EPHA8: variants seen among roughly 807,000 people sequenced by gnomAD.
The protein encoded by EPHA8 is ephrin type-A receptor 8.
Under a neutral mutation model 103.6 loss-of-function variants are expected in EPHA8, and 58 were observed. That is an observed-to-expected ratio of 0.56 (90% CI 0.45 to 0.70). The LOEUF (loss-of-function observed/expected upper bound fraction) is 0.70. Among genes scored for constraint, EPHA8 ranks in the 30% least tolerant of loss-of-function variants. The probability of loss-of-function intolerance (pLI) is 0.00; values close to 1 mark genes in which losing one functional copy is unlikely to be tolerated. For synonymous variants in EPHA8, 559 were observed against 572.5 expected (o/e 0.98, Z 0.34); for missense variants, 1,304 against 1,395.2 (o/e 0.93, Z 1.04).
chr1:22,585,050 T>TGTGTGTGTGTGTGTGTGTGTGTGTGC (rs71020436), intron 3 of EPHA8, among the ~76,000 whole-genome samples: 3 of 93,494 alleles, frequency 3.2e-5, no homozygotes, highest in African/African-American at 1.8e-4. Context: ...TGTGTGTGTG[T>TGTGTGTGTGTGTGTGTGTGTGTGTGC]GCGCACGCGT....
intron 3 of EPHA8, among the ~76,000 whole-genome samples, chr1:22,578,124 ATGCATGTGTGCATGTGTGTATGTG>A (rs1457712036): frequency 2.4e-4 from 12 of 50,982 alleles, no homozygotes; most frequent in African/African-American, 8.0e-4. Flanking sequence ...GCGTGAGTGT[ATGCATGTGTGCATGTGTGTATGTG>A]TGCGTGTGTG....
Position 22,576,540 on chromosome 1 carries a change from G to A in EPHA8, c.483G>A (p.Val161=). 6.2e-7 allele frequency: 1 copy of A among 1,614,184 alleles called. No individual in the cohort carries two copies. Among genetic ancestry groups the A allele is most frequent in the Non-Finnish European group, 8.5e-7 (1 of 1,180,040 alleles). The change falls in exon 3 of 17, where the codon GTG becomes GTA. Residue 161 remains valine (V), a synonymous_variant. Transcript: ENST00000166244. The surrounding 1 kb of genome is among the most constrained non-coding windows in gnomAD (Gnocchi z 4.8). The part of the protein sequence containing the change: ...DESFTGADLG[V]RRLKLNTEVR... Reference sequence around the variant, plus strand: ...GCTTCACAGGTGCCGACCTTGGTGTGCGGCGTCTCAAGCTCAACACGGAGG... The same window carrying A: ...GCTTCACAGGTGCCGACCTTGGTGTACGGCGTCTCAAGCTCAACACGGAGG...
intron 3 of EPHA8, among the ~76,000 whole-genome samples, chr1:22,578,080 T>TGTGTGTGCATGTAGCGTCA (rs1553145630): frequency 0.19 from 15,606 of 81,222 alleles, 964 homozygotes; most frequent in South Asian, 0.29. Context: ...TATGTATGCA[T>TGTGTGTGCATGTAGCGTCA]GTGTGTGCAT....
intron 7 of EPHA8, 75 bp from the exon 8 acceptor site, chr1:22,595,155 C>T (rs1641480951): frequency 2.4e-6 from 3 of 1,268,244 alleles, no homozygotes; most frequent in South Asian, 1.5e-5. Context: ...CAGGCAGGCT[C>T]AGAGGTCTGC....
At chr1:22,582,593 C>T (rs1641075717) in intron 3 of EPHA8, among the ~76,000 whole-genome samples, 1 of 152,158 alleles carries the variant, frequency 6.6e-6, no homozygotes, top group African/African-American at 2.4e-5. Flanking sequence ...GAATTGGAGG[C>T]CCAGAGAAGT....
In EPHA8 at chr1:22,597,926, C is replaced by T; in HGVS notation, c.2116+65C>T. ...CTCCTGCCTGGAGAGGCCTCTGGGT[C>T]CATCCCCTCATCCATCCTGCTCTGC... is the stretch of plus-strand genomic sequence containing the variant. On this transcript the variant is annotated intron_variant, in intron 11 of 16. Coordinates refer to ENST00000166244, the MANE Select transcript of EPHA8 (RefSeq NM_020526.5). The surrounding 1 kb of genome is among the most constrained non-coding windows in gnomAD (Gnocchi z 4.6). 1 of 1,556,800 alleles carries T rather than the reference C, an allele frequency of 6.4e-7. No individual in the cohort carries two copies. Among genetic ancestry groups the T allele is most frequent in the African/African-American group, 1.4e-5 (1 of 73,630 alleles).
intron 2 of EPHA8, among the ~76,000 whole-genome samples, chr1:22,574,951 T>TTA (rs1278260166): frequency 6.6e-6 from 1 of 152,140 alleles, no homozygotes; most frequent in Non-Finnish European, 1.5e-5. Context: ...CCAACACTTA[T>TTA]TATTATCATT....
At chr1:22,591,206 A>G (rs370900373) in intron 5 of EPHA8, among the ~76,000 whole-genome samples, 2 of 151,868 alleles carry the variant, frequency 1.3e-5, no homozygotes, top group Admixed American at 6.5e-5. Flanking sequence ...CCTGGGCAAC[A>G]TGGCAAGACC....
At chr1:22,579,416 ATG>A (rs2148238491) in intron 3 of EPHA8, among the ~76,000 whole-genome samples, 1 of 147,978 alleles carries the variant, frequency 6.8e-6, no homozygotes, top group African/African-American at 2.5e-5. Flanking sequence ...GAGTGTATGT[ATG>A]TGTGCATGTG....
intron 3 of EPHA8, among the ~76,000 whole-genome samples, chr1:22,578,172 G>T (rs1449451711): frequency 1.0e-5 from 1 of 98,612 alleles, no homozygotes; most frequent in Non-Finnish European, 2.3e-5. Flanking sequence ...GAGTGTATGT[G>T]TGCATGTGTG....
At chr1:22,586,719 C>G (rs1188738186) in intron 4 of EPHA8, 84 bp downstream of exon 4, 1 of 1,538,940 alleles carries the variant, frequency 6.5e-7, no homozygotes, top group African/African-American at 1.4e-5. Context: ...CCTCAGAGAG[C>G]CAGTTCTCTG....
intron 13 of EPHA8, among the ~76,000 whole-genome samples, chr1:22,599,887 G>T (rs1160889063): frequency 1.6e-5 from 1 of 62,574 alleles, no homozygotes; most frequent in Non-Finnish European, 3.0e-5. Flanking sequence ...GAGGGAGTGG[G>T]GGAGGAAGGA....
At chr1:22,585,573 C>T (rs1476143966) in intron 3 of EPHA8, among the ~76,000 whole-genome samples, 1 of 152,238 alleles carries the variant, frequency 6.6e-6, no homozygotes, top group Non-Finnish European at 1.5e-5. Context: ...TGGTTCACAG[C>T]CCTCCAAGGC....
At chr1:22,578,117 TGA>T (rs1239975912) in intron 3 of EPHA8, among the ~76,000 whole-genome samples, 9 of 87,826 alleles carry the variant, frequency 1.0e-4, no homozygotes, top group East Asian at 5.0e-4. Flanking sequence ...CATGTGTGCG[TGA>T]GTGTATGCAT....
At chr1:22,574,649 G>A (rs762889533) in intron 2 of EPHA8, among the ~76,000 whole-genome samples, 8 of 152,110 alleles carry the variant, frequency 5.3e-5, no homozygotes, top group Non-Finnish European at 1.0e-4. Context: ...CTAATACTCC[G>A]TTGTAGGTAT....
In EPHA8 at chr1:22,569,338, G is replaced by A. The variant is rs769206000; in HGVS notation, c.144G>A (p.Thr48=). ...TCCACGGGGACTGGGGCTGGCTCAC[G>A]TATCCGGCTCATGGGGTGAGTGATG... The part of the protein sequence containing the change: ...STIHGDWGWL[T]YPAHGWDSIN... Residue 48 remains threonine, a synonymous_variant, in exon 2 of 17, where the codon ACG becomes ACA. Transcript: ENST00000166244. The surrounding 1 kb of genome is among the most constrained non-coding windows in gnomAD (Gnocchi z 4.5). The A allele has an allele frequency of 6.2e-6, 10 of 1,600,706 alleles. No homozygotes were observed. The highest frequency in any genetic ancestry group is 1.1e-5 in the South Asian group (1 of 88,138).
intron 3 of EPHA8, among the ~76,000 whole-genome samples, chr1:22,578,643 GTA>G (rs1186818255): frequency 6.9e-5 from 10 of 145,696 alleles, no homozygotes; most frequent in East Asian, 2.0e-4. Context: ...GTGTGTATGT[GTA>G]TGTGTGTGCA....
intron 5 of EPHA8, among the ~76,000 whole-genome samples, chr1:22,590,529 C>T (rs1265220127): frequency 6.6e-6 from 1 of 152,182 alleles, no homozygotes; most frequent in Non-Finnish European, 1.5e-5. Context: ...TTCCCCCTTT[C>T]ATTTCCTCCT....
At chr1:22,590,738 G>A (rs1331025586) in intron 5 of EPHA8, among the ~76,000 whole-genome samples, 1 of 149,842 alleles carries the variant, frequency 6.7e-6, no homozygotes, top group Admixed American at 6.7e-5. Context: ...CTGTTTCAGG[G>A]CCCATGACTT....
Sources: allele counts gnomAD v4.1 joint callset (sites outside exome capture counted in the v4.1 genomes callset), GRCh38; gene constraint gnomAD v4.1.1; non-coding constraint Gnocchi (gnomAD v3.1); transcripts MANE v1.5; gene names NCBI Gene and HGNC (gene_info 2026-07-23, HGNC 2026-07-21).